ENPEP: variants seen among roughly 807,000 people sequenced by gnomAD.
ENPEP encodes the protein glutamyl aminopeptidase.
ENPEP carries 103 observed loss-of-function variants against 114.5 expected under a neutral mutation model. The ratio of observed to expected loss-of-function variants is 0.90; its 90% CI spans 0.77 to 1.06. The LOEUF (loss-of-function observed/expected upper bound fraction) is 1.06. Ranked by LOEUF, ENPEP falls within the 50% of genes least tolerant of loss-of-function variation. The pLI is 0.00. For synonymous variants in ENPEP, 420 were observed against 422.0 expected (o/e 1.00, Z 0.06); for missense variants, 1,196 against 1,161.3 (o/e 1.03, Z -0.43).
intron 11 of ENPEP, among the ~76,000 whole-genome samples, chr4:110,537,533 C>A (rs974147062): frequency 6.6e-6 from 1 of 152,196 alleles, no homozygotes; most frequent in African/African-American, 2.4e-5. Flanking sequence ...CACCACTCTG[C>A]AGTTACATCC....
At chr4:110,494,683 G>A (rs571947096) in intron 3 of ENPEP, among the ~76,000 whole-genome samples, 4 of 152,208 alleles carry the variant, frequency 2.6e-5, no homozygotes, top group South Asian at 2.1e-4. Flanking sequence ...TATCCTTGTC[G>A]CTCATGAGAA....
At chr4:110,488,184 T>C (rs1375692122) in intron 1 of ENPEP, among the ~76,000 whole-genome samples, 2 of 152,220 alleles carry the variant, frequency 1.3e-5, no homozygotes, top group Non-Finnish European at 2.9e-5. Flanking sequence ...TCAATGGGCT[T>C]GGGGTGGAGA....
At chr4:110,493,650 C>T (rs1297907447) in intron 3 of ENPEP, among the ~76,000 whole-genome samples, 4 of 152,114 alleles carry the variant, frequency 2.6e-5, no homozygotes, top group African/African-American at 7.2e-5. Flanking sequence ...AGTGTGAATG[C>T]AAATGCTCCA....
chr4:110,543,218 C>G, intron 13 of ENPEP, 148 bp downstream of exon 13: 1 of 797,106 alleles, frequency 1.3e-6, no homozygotes, highest in East Asian at 2.7e-5. Context: ...TTCCTTAACT[C>G]TCTTTTCAAA....
rs1173527723 is a variant in ENPEP, at chr4:110,558,026, G to A, written c.2643-1621G>A. On this transcript the variant is annotated intron_variant, in intron 18 of 19. Transcript: ENST00000265162. ...GTATTTGGCTTCTAATTTTGTATATGGTAGGATTTTTTTTTTTTTTTGTAT... is the reference window on the plus strand; with the variant it reads ...GTATTTGGCTTCTAATTTTGTATATAGTAGGATTTTTTTTTTTTTTTGTAT... 9.9e-5 allele frequency among the ~76,000 whole-genome samples: 4 copies of A among 40,258 alleles called. 1 individual carries two copies. The allele number at this position is 40,258 out of a possible 152,430, so 26.4% of individuals were successfully genotyped here.
chr4:110,504,577 C>G (rs1009601761), intron 3 of ENPEP, among the ~76,000 whole-genome samples: 1 of 152,094 alleles, frequency 6.6e-6, no homozygotes, highest in African/African-American at 2.4e-5. Flanking sequence ...TCATAGATCA[C>G]AGATGATCTG....
chr4:110,493,339 C>T (rs754013676), intron 3 of ENPEP, among the ~76,000 whole-genome samples: 11 of 152,146 alleles, frequency 7.2e-5, no homozygotes, highest in Non-Finnish European at 1.3e-4. Context: ...AAGAGCATAA[C>T]ATTTTGTTTT....
intron 1 of ENPEP, among the ~76,000 whole-genome samples, chr4:110,484,458 G>A (rs1246363213): frequency 1.3e-5 from 2 of 151,846 alleles, no homozygotes; most frequent in African/African-American, 2.4e-5. Context: ...ATAGCTCTTC[G>A]GGTTGATGAA....
intron 3 of ENPEP, 70 bp downstream of exon 3, chr4:110,491,234 A>AT: frequency 3.1e-4 from 284 of 916,442 alleles, no homozygotes; most frequent in Non-Finnish European, 3.5e-4. Flanking sequence ...TTTTTTGGGT[A>AT]GTTTTTTTTT....
At chr4:110,535,960 A>G (rs1025444709) in intron 11 of ENPEP, among the ~76,000 whole-genome samples, 2 of 151,982 alleles carry the variant, frequency 1.3e-5, no homozygotes, top group Non-Finnish European at 2.9e-5. Flanking sequence ...GTTAACATAT[A>G]TACTTTTTTA....
intron 10 of ENPEP, among the ~76,000 whole-genome samples, chr4:110,523,600 T>A (rs981867803): frequency 3.9e-5 from 6 of 152,232 alleles, no homozygotes; most frequent in Non-Finnish European, 7.3e-5. Context: ...ATACATGCTA[T>A]AATTTCATAA....
rs753749488 is a variant in ENPEP, at chr4:110,559,645, A to C, written c.2643-2A>C. 1 of 1,608,450 alleles carries C rather than the reference A, an allele frequency of 6.2e-7. No homozygotes were observed. The highest frequency in any genetic ancestry group is 2.2e-5 in the East Asian group (1 of 44,818). ...TTCCTTTTACTCTAAATTTCTCTCC[A>C]GATATACACTCAATAACAGAAACCT... On this transcript the variant is annotated splice_acceptor_variant, in intron 18 of 19. Coordinates refer to ENST00000265162, the MANE Select transcript of ENPEP (RefSeq NM_001977.4). LOFTEE classifies it high-confidence loss of function.
In ENPEP at chr4:110,562,469, A is replaced by G. The variant is rs887629065; in HGVS notation, c.*911A>G. On this transcript the variant is annotated 3_prime_UTR_variant, in exon 20 of 20. Coordinates refer to ENST00000265162, the MANE Select transcript of ENPEP (RefSeq NM_001977.4). ...ACTGTTCAGGAAAGAGAGAAGGCAG[A>G]TTATTTCTTAAAACTAAATGGAATT... 2.0e-5 allele frequency: 3 copies of G among 152,142 alleles called. No homozygotes were observed. The highest frequency in any genetic ancestry group is 7.2e-5 in the African/African-American group (3 of 41,448). 9.4% of individuals were successfully genotyped at this position (152,142 alleles called of 1,614,324 possible). A position where few individuals can be genotyped will look rare whatever the true frequency, so the allele number is the denominator to read the frequency against.
intron 19 of ENPEP, among the ~76,000 whole-genome samples, chr4:110,560,923 G>C (rs1442068186): frequency 6.6e-6 from 1 of 152,058 alleles, no homozygotes; most frequent in Non-Finnish European, 1.5e-5. Flanking sequence ...GTTGAGTTTG[G>C]GGTAGGGCTT....
At chr4:110,504,821 A>G (rs1725310058) in intron 3 of ENPEP, among the ~76,000 whole-genome samples, 1 of 152,232 alleles carries the variant, frequency 6.6e-6, no homozygotes, top group African/African-American at 2.4e-5. Flanking sequence ...ATGAGAAAAT[A>G]TTAGTGGAAA....
chr4:110,524,790 G>C (rs139568154), intron 10 of ENPEP, among the ~76,000 whole-genome samples: 1,947 of 152,232 alleles, frequency 0.013, 43 homozygotes, highest in African/African-American at 0.044. Context: ...ACAGGGTCTT[G>C]CTGTATCACA....
At chr4:110,523,409 C>T (rs2110366276) in intron 10 of ENPEP, among the ~76,000 whole-genome samples, 1 of 152,178 alleles carries the variant, frequency 6.6e-6, no homozygotes, top group Non-Finnish European at 1.5e-5. Context: ...TTAAACCTCT[C>T]TTCTTTATTA....
At chr4:110,537,311 C>T (rs1726675790) in intron 11 of ENPEP, among the ~76,000 whole-genome samples, 2 of 152,168 alleles carry the variant, frequency 1.3e-5, no homozygotes, top group Admixed American at 1.3e-4. Flanking sequence ...GTGCTGCTTT[C>T]TCAATTAAGT....
At chr4:110,500,325 C>T (rs1358834933) in intron 3 of ENPEP, among the ~76,000 whole-genome samples, 1 of 152,112 alleles carries the variant, frequency 6.6e-6, no homozygotes, top group Non-Finnish European at 1.5e-5. Flanking sequence ...GCAGATATGT[C>T]TTACCTCCCA....
Sources: gnomAD v4.1 joint callset for allele counts (sites outside exome capture counted in the v4.1 genomes callset) on GRCh38, gnomAD v4.1.1 for gene constraint, MANE v1.5 for transcripts, NCBI Gene and HGNC (gene_info 2026-07-23, HGNC 2026-07-21) for gene names.